The following TLK1 variants were observed in gnomAD, a reference collection of about 807,000 sequenced individuals.
TLK1 encodes the protein tousled like kinase 1.
A neutral mutation model predicts 105.3 loss-of-function variants in TLK1; 24 were observed. That is an observed-to-expected ratio of 0.23 (90% CI 0.17 to 0.32). TLK1 has a LOEUF of 0.32. Among genes scored for constraint, TLK1 ranks in the 10% least tolerant of loss-of-function variants. TLK1 has a pLI of 1.00. For synonymous variants in TLK1, 321 were observed against 310.4 expected (o/e 1.03, Z -0.36); for missense variants, 558 against 910.5 (o/e 0.61, Z 4.98).
chr2:171,148,601 G>C (rs550380547), intron 1 of TLK1, among the ~76,000 whole-genome samples: 1 of 152,030 alleles, frequency 6.6e-6, no homozygotes, highest in African/African-American at 2.4e-5. Flanking sequence ...ATGTATACAA[G>C]GCTGGGCACA....
chr2:171,008,348 A>G (rs577424348), intron 14 of TLK1, among the ~76,000 whole-genome samples: 26 of 152,318 alleles, frequency 1.7e-4, no homozygotes, highest in Middle Eastern at 6.8e-3. Flanking sequence ...AGCTAATTAC[A>G]TATTATTATT....
At chr2:171,101,703 A>T (rs1689701576) in intron 2 of TLK1, among the ~76,000 whole-genome samples, 1 of 152,230 alleles carries the variant, frequency 6.6e-6, no homozygotes, top group African/African-American at 2.4e-5. Context: ...AAAAAGCTCA[A>T]CAAAGTACAG....
intron 1 of TLK1, among the ~76,000 whole-genome samples, chr2:171,140,116 T>C (rs946486864): frequency 2.6e-5 from 4 of 151,994 alleles, no homozygotes; most frequent in African/African-American, 9.7e-5. Flanking sequence ...ATATAACCAA[T>C]TGATAATTTA....
chr2:171,164,744 T>A (rs1692575847), upstream of TLK1, among the ~76,000 whole-genome samples: 2 of 152,180 alleles, frequency 1.3e-5, no homozygotes, highest in South Asian at 4.1e-4. Flanking sequence ...GTCAAATAAA[T>A]GAAAACTTTT....
At chr2:171,208,856 A>G (rs1693557288) in intron 1 of TLK1, among the ~76,000 whole-genome samples, 1 of 152,236 alleles carries the variant, frequency 6.6e-6, no homozygotes, top group South Asian at 2.1e-4. Context: ...TAATAAATGC[A>G]CTTTGACTCA....
chr2:171,087,551 T>A (rs1165249623), intron 2 of TLK1, among the ~76,000 whole-genome samples: 1 of 152,120 alleles, frequency 6.6e-6, no homozygotes, highest in South Asian at 2.1e-4. Context: ...AAAAAATATT[T>A]GAAAAAATGA....
intron 13 of TLK1, among the ~76,000 whole-genome samples, chr2:171,011,945 T>TA (rs144027963): frequency 0.052 from 7,886 of 150,246 alleles, 263 homozygotes; most frequent in Non-Finnish European, 0.074. Flanking sequence ...TTTTTAAAAT[T>TA]AAAAAAAAAA....
intron 3 of TLK1, among the ~76,000 whole-genome samples, chr2:171,063,799 A>G (rs1687864886): frequency 6.6e-6 from 1 of 152,254 alleles, no homozygotes; most frequent in Non-Finnish European, 1.5e-5. Context: ...AAGGCTTCTC[A>G]GAACCATCAA....
chr2:171,203,481 T>C (rs1237035481), intron 1 of TLK1, among the ~76,000 whole-genome samples: 2 of 152,262 alleles, frequency 1.3e-5, no homozygotes, highest in African/African-American at 2.4e-5. Flanking sequence ...TAATGTATCA[T>C]GTCCTTCAGA....
intron 1 of TLK1, among the ~76,000 whole-genome samples, chr2:171,170,362 C>T (rs1692704092): frequency 6.6e-6 from 1 of 152,146 alleles, no homozygotes. Flanking sequence ...TACAACAATT[C>T]ACAAAATTGA....
intron 1 of TLK1, among the ~76,000 whole-genome samples, chr2:171,186,203 T>A (rs1179731217): frequency 6.6e-6 from 1 of 152,224 alleles, no homozygotes; most frequent in Admixed American, 6.5e-5. Flanking sequence ...ATTATTTTGA[T>A]AGGAATAATC....
chr2:171,225,139 G>A (rs61553554), intron 1 of TLK1, among the ~76,000 whole-genome samples: 8,351 of 151,984 alleles, frequency 0.055, 489 homozygotes, highest in East Asian at 0.25. Context: ...AATACACTGG[G>A]TATCATCACA....
At chr2:171,079,997 G>A (rs1347175634) in intron 3 of TLK1, among the ~76,000 whole-genome samples, 1 of 151,946 alleles carries the variant, frequency 6.6e-6, no homozygotes, top group Admixed American at 6.6e-5. Context: ...AATCCAGGGT[G>A]GGGTAAGGGT....
intron 18 of TLK1, among the ~76,000 whole-genome samples, chr2:170,998,066 C>T (rs1045310401): frequency 1.4e-5 from 1 of 71,294 alleles, no homozygotes; most frequent in Non-Finnish European, 3.5e-5. Flanking sequence ...ATCTATCTAT[C>T]TATCTATCTA....
intron 1 of TLK1, among the ~76,000 whole-genome samples, chr2:171,223,856 C>A (rs1693852290): frequency 7.0e-6 from 1 of 143,876 alleles, no homozygotes; most frequent in African/African-American, 2.6e-5. Flanking sequence ...TCTGGTTATT[C>A]ATCGCTTGTT....
chr2:171,031,356 G>T (rs1327434243), intron 11 of TLK1, among the ~76,000 whole-genome samples: 3 of 152,184 alleles, frequency 2.0e-5, no homozygotes, highest in Non-Finnish European at 4.4e-5. Context: ...CAGGATTTTA[G>T]ACAGAATGAA....
chr2:171,097,403 A>G (rs974552383), intron 2 of TLK1, among the ~76,000 whole-genome samples: 3 of 152,226 alleles, frequency 2.0e-5, no homozygotes, highest in Admixed American at 2.0e-4. Flanking sequence ...GCTTGTTGAC[A>G]TTGGTCTGGG....
chr2:171,014,819 T>C (rs757200486), intron 13 of TLK1, 32 bp downstream of exon 13: 8 of 1,505,092 alleles, frequency 5.3e-6, no homozygotes, highest in South Asian at 1.1e-5. Context: ...GTTTTAATAA[T>C]ATGAAACTGT....
At chr2:171,201,947 TCA>T (rs1693407679) in intron 1 of TLK1, among the ~76,000 whole-genome samples, 1 of 144,054 alleles carries the variant, frequency 6.9e-6, no homozygotes, top group Non-Finnish European at 1.5e-5. Flanking sequence ...CTATCTATCA[TCA>T]ATCATATCTA....
Sources: gnomAD v4.1 joint callset for allele counts (sites outside exome capture counted in the v4.1 genomes callset) on GRCh38, gnomAD v4.1.1 for gene constraint, MANE v1.5 for transcripts, NCBI Gene and HGNC (gene_info 2026-07-23, HGNC 2026-07-21) for gene names.